Variants in KCTD3 observed in about 807,000 individuals in gnomAD.
KCTD3 encodes BTB/POZ domain-containing protein KCTD3.
KCTD3 carries 41 observed loss-of-function variants against 85.8 expected under a neutral mutation model. That is an observed-to-expected ratio of 0.48 (90% CI 0.37 to 0.62). The LOEUF (loss-of-function observed/expected upper bound fraction) is 0.62. KCTD3 is among the 20% of genes least tolerant of loss of function. The pLI is 0.00. For missense variants in KCTD3, 724 were observed against 989.9 expected (o/e 0.73, Z 3.60); for synonymous variants, 338 against 345.4 (o/e 0.98, Z 0.24).
At chr1:215,602,810 T>C (rs550681892) in intron 12 of KCTD3, among the ~76,000 whole-genome samples, 15 of 152,330 alleles carry the variant, frequency 9.8e-5, no homozygotes, top group African/African-American at 3.4e-4. Context: ...GTAATACTAA[T>C]AGGTTTGGAT....
chr1:215,591,651 G>T (rs1028199965), intron 9 of KCTD3, among the ~76,000 whole-genome samples: 2 of 152,096 alleles, frequency 1.3e-5, no homozygotes, highest in African/African-American at 4.8e-5. Flanking sequence ...ACCGCGCCCG[G>T]CCAGCAGCCT....
intron 8 of KCTD3, chr1:215,580,891 G>A (rs562597173): frequency 1.1e-4 from 48 of 420,188 alleles, no homozygotes; most frequent in South Asian, 8.1e-4. Flanking sequence ...TGGCATGTCT[G>A]GTAAGTGCTG....
chr1:215,616,010 A>G (rs1315824278), intron 15 of KCTD3, among the ~76,000 whole-genome samples: 3 of 152,182 alleles, frequency 2.0e-5, no homozygotes, highest in African/African-American at 7.2e-5. Flanking sequence ...CTTTATGGCT[A>G]GCTGTTCACA....
intron 14 of KCTD3, among the ~76,000 whole-genome samples, chr1:215,610,454 G>A (rs1398017324): frequency 1.3e-5 from 2 of 151,780 alleles, no homozygotes; most frequent in East Asian, 3.9e-4. Context: ...GGAAGCGAGG[G>A]CAAAGAAGGT....
chr1:215,577,568 TTATGAC>T, intron 4 of KCTD3, 96 bp from the exon 5 acceptor site: 3 of 740,600 alleles, frequency 4.1e-6, no homozygotes, highest in Non-Finnish European at 7.4e-6. Context: ...TTTTAAAGCC[TTATGAC>T]TATATACATG....
At chr1:215,601,087 G>A (rs6685448) in intron 10 of KCTD3, among the ~76,000 whole-genome samples, 5 of 151,958 alleles carry the variant, frequency 3.3e-5, no homozygotes, top group African/African-American at 9.7e-5. Flanking sequence ...ACTGGCATGC[G>A]CCACTACGCC....
rs766000351 is a variant in KCTD3, at chr1:215,620,308, G to A, written c.2138G>A (p.Gly713Glu). Residue 713 changes from glycine to glutamate, a missense_variant, in exon 18 of 18, where the codon GGA becomes GAA. Transcript: ENST00000259154. ...ECNISERKSP[G>E]VEIKSLRELD... ...AATATATCTGAGAGAAAGTCTCCTG[G>A]AGTAGAAATAAAAAGTTTGAGAGAA... 1 of 1,613,848 alleles carries A rather than the reference G, an allele frequency of 6.2e-7. No homozygotes were observed. The highest frequency in any genetic ancestry group is 1.3e-5 in the African/African-American group (1 of 74,918).
intron 6 of KCTD3, among the ~76,000 whole-genome samples, chr1:215,578,689 G>A (rs528054790): frequency 2.6e-5 from 4 of 152,214 alleles, no homozygotes; most frequent in Admixed American, 6.5e-5. Flanking sequence ...CATAATACCT[G>A]TACCATAATT....
At chr1:215,617,999 C>G (rs966494041) in intron 15 of KCTD3, 3 of 367,926 alleles carry the variant, frequency 8.2e-6, no homozygotes, top group South Asian at 4.4e-5. Context: ...AAGCATCTTG[C>G]TGTGGCCACT....
At chr1:215,601,789 C>A (rs1654845743) in intron 10 of KCTD3, 78 bp from the exon 11 acceptor site, 3 of 869,994 alleles carry the variant, frequency 3.4e-6, no homozygotes, top group South Asian at 3.4e-5. Context: ...CCAGAAGAAT[C>A]AAAGTTTTGA....
At chr1:215,589,331 G>C (rs1660131970) in intron 9 of KCTD3, among the ~76,000 whole-genome samples, 1 of 151,954 alleles carries the variant, frequency 6.6e-6, no homozygotes, top group Non-Finnish European at 1.5e-5. Context: ...TCACTGTATA[G>C]ATAGGGTCTC....
At chr1:215,582,989 ATAGT>A (rs1278236947) in intron 8 of KCTD3, among the ~76,000 whole-genome samples, 3 of 152,192 alleles carry the variant, frequency 2.0e-5, no homozygotes, top group African/African-American at 7.2e-5. Context: ...TGTAGTTGTT[ATAGT>A]TATTTTTAAA....
rs546948902 is a variant in KCTD3, at chr1:215,586,432, A to G, written c.627-63A>G. ...GTTGTTTTTTGTTTTTGGTGCATTG[A>G]TGTGTATTCCGTTTGCTTCATTGCT... On this transcript the variant is annotated intron_variant, in intron 8 of 17. Transcript: ENST00000259154. 34 of 1,284,654 alleles carry G rather than the reference A, an allele frequency of 2.6e-5. No homozygotes were observed. The East Asian group carries it at 7.8e-4, about 29-fold the overall frequency. The allele number at this position is 1,284,654 out of a possible 1,614,324, so 79.6% of individuals were successfully genotyped here.
intron 10 of KCTD3, among the ~76,000 whole-genome samples, chr1:215,597,431 G>T (rs1244033752): frequency 6.6e-6 from 1 of 152,040 alleles, no homozygotes; most frequent in Non-Finnish European, 1.5e-5. Context: ...TTTAAATTTA[G>T]ATTTATATTG....
chr1:215,595,036 C>A (rs1352386338), intron 9 of KCTD3, among the ~76,000 whole-genome samples: 1 of 152,050 alleles, frequency 6.6e-6, no homozygotes, highest in Non-Finnish European at 1.5e-5. Context: ...ATCCCAGGAT[C>A]CTTTTTGTTT....
rs1490271008 is a variant in KCTD3, at chr1:215,577,988, G to C, written c.317-13G>C. ...CATGTACTCTTGACAAGTTTGCTTT[G>C]AAATGTTTTTAGTAAGAAGGCTTCT... On this transcript the variant is annotated splice_polypyrimidine_tract_variant and intron_variant, in intron 5 of 17. Transcript: ENST00000259154. The C allele has an allele frequency of 6.2e-7, 1 of 1,606,560 alleles. No individual in the cohort carries two copies. The highest frequency in any genetic ancestry group is 8.5e-7 in the Non-Finnish European group (1 of 1,175,440).
At chr1:215,577,611 G>T (rs1267186357) in intron 4 of KCTD3, 59 bp from the exon 5 acceptor site, 3 of 1,112,064 alleles carry the variant, frequency 2.7e-6, no homozygotes, top group African/African-American at 1.5e-5. Context: ...TTCCTTTCAT[G>T]TCAGATGATA....
chr1:215,602,375 A>T (rs573693199), intron 12 of KCTD3, among the ~76,000 whole-genome samples, 174 bp downstream of exon 12: 2 of 152,080 alleles, frequency 1.3e-5, no homozygotes, highest in African/African-American at 4.8e-5. Flanking sequence ...GAAGTCAAAC[A>T]TGACCAGTAA....
At chr1:215,579,775 G>C (rs1354069970) in intron 7 of KCTD3, 134 bp from the exon 8 acceptor site, 6 of 626,672 alleles carry the variant, frequency 9.6e-6, no homozygotes, top group South Asian at 7.2e-5. Flanking sequence ...TGGGATTACA[G>C]GTGTGAGCCA....
Sources: allele counts gnomAD v4.1 joint callset (sites outside exome capture counted in the v4.1 genomes callset), GRCh38; gene constraint gnomAD v4.1.1; transcripts MANE v1.5; gene names NCBI Gene and HGNC (gene_info 2026-07-23, HGNC 2026-07-21).